CSTF3: variants seen among roughly 807,000 people sequenced by gnomAD.
CSTF3 encodes the protein cleavage stimulation factor subunit 3, also known as CF-1 77 kDa subunit.
In CSTF3, 29 loss-of-function variants were observed where a neutral mutation model predicts 105.8. The ratio of observed to expected loss-of-function variants is 0.27; its 90% confidence interval spans 0.20 to 0.37. CSTF3 has a LOEUF of 0.37. CSTF3 is among the 10% of genes least tolerant of loss of function. The pLI, the probability that CSTF3 is intolerant of heterozygous loss-of-function variation, is 1.00. For missense variants in CSTF3, 357 were observed against 879.3 expected, an observed-to-expected ratio of 0.41 and a Z score of 7.51; for synonymous variants, 252 against 281.9, an observed-to-expected ratio of 0.89 and a Z score of 1.06.
chr11:33,108,318 ATC>A lies in CSTF3; in HGVS notation c.258+66_258+67del, dbSNP rs201372391. ...TCAATTATTATTAACATTTTACTAC[ATC>A]TGTCTTATACATACTAGGTTTTAAG... On this transcript the variant is annotated intron_variant, in intron 4 of 20. Coordinates refer to ENST00000323959, the MANE Select transcript of CSTF3 (RefSeq NM_001326.3). 1.7e-3 allele frequency: 2,195 copies of A among 1,268,382 alleles called. 38 individuals carry two copies. The African/African-American group carries it at 0.03, about 17-fold the overall frequency. The allele number at this position is 1,268,382 out of a possible 1,614,324, so 78.6% of individuals were successfully genotyped here.
chr11:33,161,300 T>C lies in CSTF3; in HGVS notation c.26A>G (p.Gln9Arg). The C allele has an allele frequency of 6.2e-7, 1 of 1,613,370 alleles. No homozygotes were observed. The highest frequency in any genetic ancestry group is 8.5e-7 in the Non-Finnish European group (1 of 1,180,016). ...GGCCCCACCACTCTCCTTCCTCACCTGCTCCGTGGCTCCGTCTCCTGACAT... is the reference window on the plus strand; with the variant it reads ...GGCCCCACCACTCTCCTTCCTCACCCGCTCCGTGGCTCCGTCTCCTGACAT... MSGDGATE[Q>R]AAEYVPEKVK... is the part of the protein sequence containing the mutation. Residue 9 changes from glutamine (Q) to arginine (R), a missense_variant and splice_region_variant, in exon 1 of 21, where the codon CAG (glutamine) becomes CGG (arginine). Transcript: ENST00000323959.
At chr11:33,146,735 G>A (rs908010423) in intron 1 of CSTF3, among the ~76,000 whole-genome samples, 1 of 151,468 alleles carries the variant, frequency 6.6e-6, no homozygotes, top group Non-Finnish European at 1.5e-5. Context: ...CTTCTGGTTT[G>A]TTTGAATTTT....
At chr11:33,135,341 C>G (rs978719607) in intron 3 of CSTF3, among the ~76,000 whole-genome samples, 14 of 152,054 alleles carry the variant, frequency 9.2e-5, no homozygotes, top group African/African-American at 3.1e-4. Context: ...ATTGTCCAGG[C>G]AAGTATAGGA....
chr11:33,103,455 G>T (rs1236296295), intron 8 of CSTF3, among the ~76,000 whole-genome samples: 3 of 151,942 alleles, frequency 2.0e-5, no homozygotes, highest in African/African-American at 7.2e-5. Context: ...ATTTGAAAAG[G>T]CTCAATAATT....
intron 3 of CSTF3, among the ~76,000 whole-genome samples, chr11:33,135,251 A>G (rs1368174035): frequency 1.3e-5 from 2 of 152,224 alleles, no homozygotes; most frequent in African/African-American, 4.8e-5. Context: ...TCTAACAGTT[A>G]CAATATACTA....
chr11:33,138,255 T>C (rs111699554), intron 3 of CSTF3, among the ~76,000 whole-genome samples: 2 of 151,934 alleles, frequency 1.3e-5, no homozygotes, highest in East Asian at 1.9e-4. Flanking sequence ...AAATTCCTTA[T>C]GAATGTGGCC....
At position 33,086,954 on chromosome 11, in the gene CSTF3, A is replaced by G. The variant is rs202158353; in HGVS notation, c.1795+34T>C. 290 of 1,613,382 alleles carry G rather than the reference A, an allele frequency of 1.8e-4. 1 individual carries two copies. The highest frequency in any genetic ancestry group is 2.8e-4 in the Admixed American group (17 of 59,928). ...TGGATTTAAATCAACAAACAAACCAACGTCTCAGTACTGGATCTAAAGTCA... is the reference window on the plus strand; with the variant it reads ...TGGATTTAAATCAACAAACAAACCAGCGTCTCAGTACTGGATCTAAAGTCA... On this transcript the variant is annotated intron_variant, in intron 18 of 20. Coordinates refer to ENST00000323959, the MANE Select transcript of CSTF3 (RefSeq NM_001326.3).
intron 15 of CSTF3, among the ~76,000 whole-genome samples, chr11:33,094,576 T>C (rs1855199823): frequency 6.6e-6 from 1 of 152,104 alleles, no homozygotes; most frequent in South Asian, 2.1e-4. Flanking sequence ...AAAATACATA[T>C]ACTAGTAACT....
At chr11:33,089,475 A>C (rs1590261053) in intron 17 of CSTF3, among the ~76,000 whole-genome samples, 1 of 152,320 alleles carries the variant, frequency 6.6e-6, no homozygotes, top group Admixed American at 6.5e-5. Flanking sequence ...CTTAAAGTCA[A>C]AGTTTCTAAG....
intron 5 of CSTF3, among the ~76,000 whole-genome samples, chr11:33,106,682 AGTC>A (rs1288786508): frequency 6.6e-6 from 1 of 152,206 alleles, no homozygotes; most frequent in African/African-American, 2.4e-5. Flanking sequence ...AAGTATATAA[AGTC>A]GTTCTTTGAT....
At chr11:33,116,478 G>GA (rs916895606) in intron 3 of CSTF3, among the ~76,000 whole-genome samples, 6 of 151,862 alleles carry the variant, frequency 4.0e-5, no homozygotes, top group African/African-American at 1.2e-4. Context: ...GGCCATTAAT[G>GA]AAAAAAAGGA....
At chr11:33,095,788 C>G (rs1565003020) in intron 15 of CSTF3, among the ~76,000 whole-genome samples, 1 of 149,436 alleles carries the variant, frequency 6.7e-6, no homozygotes, top group African/African-American at 2.4e-5. Context: ...CGCCACTGCA[C>G]TCCAGCCTGG....
chr11:33,107,113 G>A (rs1201452252), intron 5 of CSTF3, among the ~76,000 whole-genome samples: 1 of 151,600 alleles, frequency 6.6e-6, no homozygotes, highest in Non-Finnish European at 1.5e-5. Flanking sequence ...ACCCTGCTAC[G>A]TTTGGAGTCT....
At chr11:33,151,858 G>C (rs1318036439) in intron 1 of CSTF3, among the ~76,000 whole-genome samples, 1 of 152,138 alleles carries the variant, frequency 6.6e-6, no homozygotes, top group Non-Finnish European at 1.5e-5. Flanking sequence ...ACCAACATTT[G>C]ATATTATCTT....
At chr11:33,114,428 C>G (rs997527678) in intron 3 of CSTF3, among the ~76,000 whole-genome samples, 2 of 151,470 alleles carry the variant, frequency 1.3e-5, no homozygotes, top group African/African-American at 4.8e-5. Context: ...CAGGTTTCCT[C>G]AAATTCAATT....
At chr11:33,107,788 CTT>C in intron 5 of CSTF3, 113 bp downstream of exon 5, 3 of 596,852 alleles carry the variant, frequency 5.0e-6, no homozygotes, top group Non-Finnish European at 8.6e-6. Context: ...GAAATCCTGA[CTT>C]TTCAAATCCT....
At chr11:33,115,902 G>T (rs905588851) in intron 3 of CSTF3, among the ~76,000 whole-genome samples, 5 of 152,120 alleles carry the variant, frequency 3.3e-5, no homozygotes, top group Non-Finnish European at 7.4e-5. Flanking sequence ...AACATGGTGA[G>T]ATTCTGTCTA....
intron 1 of CSTF3, among the ~76,000 whole-genome samples, chr11:33,155,450 C>T (rs1159434401): frequency 6.6e-6 from 1 of 151,494 alleles, no homozygotes; most frequent in Non-Finnish European, 1.5e-5. Flanking sequence ...CCATTATCTG[C>T]TTAGTAAACT....
intron 3 of CSTF3, among the ~76,000 whole-genome samples, chr11:33,127,199 A>C (rs1855552483): frequency 6.6e-6 from 1 of 152,196 alleles, no homozygotes; most frequent in Admixed American, 6.5e-5. Context: ...ATTATGCACA[A>C]ATTTTTATAC....
Sources: allele counts gnomAD v4.1 joint callset (sites outside exome capture counted in the v4.1 genomes callset), GRCh38; gene constraint gnomAD v4.1.1; transcripts MANE v1.5; gene names NCBI Gene and HGNC (gene_info 2026-07-23, HGNC 2026-07-21).